The following CD96 variants were observed in gnomAD, a reference collection of about 807,000 sequenced individuals.
CD96 encodes T-cell surface protein tactile.
A neutral mutation model predicts 71.3 loss-of-function variants in CD96; 70 were observed. That is an observed-to-expected ratio of 0.98 (90% CI 0.81 to 1.20). The LOEUF (loss-of-function observed/expected upper bound fraction) is 1.20, where lower values mean the gene tolerates loss of function less well. CD96 is among the 50% of genes most tolerant of loss of function. The pLI, the probability that CD96 is intolerant of heterozygous loss-of-function variation, is 0.00. For missense variants in CD96, 742 were observed against 677.5 expected (o/e 1.10, Z -1.06); for synonymous variants, 248 against 233.0 (o/e 1.06, Z -0.59).
At chr3:111,589,730 T>G (rs1936887119) in intron 5 of CD96, among the ~76,000 whole-genome samples, 1 of 152,228 alleles carries the variant, frequency 6.6e-6, no homozygotes, top group Non-Finnish European at 1.5e-5. Flanking sequence ...AACAACTGGC[T>G]GAGTCACTAA....
At chr3:111,627,492 A>G (rs936123398) in intron 10 of CD96, among the ~76,000 whole-genome samples, 1 of 152,328 alleles carries the variant, frequency 6.6e-6, no homozygotes, top group African/African-American at 2.4e-5. Context: ...TCTATGGCCA[A>G]CAGAGTTCTA....
chr3:111,632,565 C>T (rs1939121670), intron 10 of CD96, among the ~76,000 whole-genome samples: 1 of 152,108 alleles, frequency 6.6e-6, no homozygotes, highest in South Asian at 2.1e-4. Flanking sequence ...TGTGGCGATT[C>T]CTCAAAGACC....
chr3:111,637,729 A>G (rs1344238364), intron 11 of CD96, among the ~76,000 whole-genome samples: 1 of 151,756 alleles, frequency 6.6e-6, no homozygotes, highest in African/African-American at 2.4e-5. Context: ...CTTTTTCTGT[A>G]CCACTTACAT....
intron 5 of CD96, chr3:111,594,052 C>T (rs770472872): frequency 6.2e-7 from 1 of 1,614,166 alleles, no homozygotes; most frequent in African/African-American, 1.3e-5. Flanking sequence ...ACCGGGTGCC[C>T]TTGTTGTGGG....
At chr3:111,614,552 C>G (rs1462227875) in intron 8 of CD96, among the ~76,000 whole-genome samples, 5 of 152,176 alleles carry the variant, frequency 3.3e-5, no homozygotes, top group African/African-American at 1.2e-4. Flanking sequence ...CTCTCTGCAG[C>G]CTCTAAACTT....
chr3:111,647,571 A>C lies in CD96; in HGVS notation c.1506A>C (p.Gly502=). 6.2e-7 allele frequency: 1 copy of C among 1,612,158 alleles called. No individual in the cohort carries two copies. Residue 502 remains glycine (G), a synonymous_variant, in exon 13 of 14, where the codon GGA becomes GGC. Coordinates refer to ENST00000352690, the MANE Select transcript of CD96 (RefSeq NM_005816.5). ...TTGTGGTCAATAAGCCCAAAGATGG[A>C]ATGTCCTGGCCAGTGATTGTAGCAG... ...TGIVVNKPKD[G]MSWPVIVAAL...
In CD96 at chr3:111,638,623, T is replaced by G. The variant is rs115769265; in HGVS notation, c.1477+455T>G. Among the ~76,000 whole-genome samples, 1,146 of 152,330 alleles carry G rather than the reference T, an allele frequency of 7.5e-3. 17 individuals are homozygous for G. The highest frequency in any genetic ancestry group is 0.026 in the African/African-American group (1,088 of 41,566). On this transcript the variant is annotated intron_variant, in intron 12 of 13. Transcript: ENST00000352690. Reference sequence around the variant, plus strand: ...ATTGTCATGCAAAATGTAATCCCTCTTTTATATCATAAGAGAGCAAAAGAT... The same window carrying G: ...ATTGTCATGCAAAATGTAATCCCTCGTTTATATCATAAGAGAGCAAAAGAT...
At chr3:111,548,010 T>G (rs1467060416) in intron 2 of CD96, among the ~76,000 whole-genome samples, 5 of 152,194 alleles carry the variant, frequency 3.3e-5, no homozygotes, top group African/African-American at 1.2e-4. Flanking sequence ...CCCTTTACTG[T>G]TTTGATCTTC....
chr3:111,602,214 T>A (rs977114591), intron 7 of CD96, among the ~76,000 whole-genome samples: 3 of 152,150 alleles, frequency 2.0e-5, no homozygotes, highest in Admixed American at 1.3e-4. Flanking sequence ...TAAAGGACCC[T>A]AAAAGCTCAA....
intron 8 of CD96, among the ~76,000 whole-genome samples, chr3:111,623,276 T>A (rs1011366466): frequency 6.6e-6 from 1 of 152,064 alleles, no homozygotes; most frequent in African/African-American, 2.4e-5. Context: ...AGGAAGAGAA[T>A]GTAACAATTA....
chr3:111,570,481 G>A (rs1415442468), intron 3 of CD96, among the ~76,000 whole-genome samples: 1 of 152,114 alleles, frequency 6.6e-6, no homozygotes, highest in Non-Finnish European at 1.5e-5. Context: ...TCGTGGGTTA[G>A]GGGTCACAGT....
At chr3:111,579,957 G>A (rs1342529134) in intron 4 of CD96, among the ~76,000 whole-genome samples, 1 of 152,162 alleles carries the variant, frequency 6.6e-6, no homozygotes, top group Non-Finnish European at 1.5e-5. Context: ...CAGAATACTG[G>A]AAATCTCTTT....
chr3:111,663,957 A>G (rs1457520842), intron 14 of CD96, among the ~76,000 whole-genome samples: 1 of 152,056 alleles, frequency 6.6e-6, no homozygotes, highest in Non-Finnish European at 1.5e-5. Context: ...TCACCATGTT[A>G]GCCAGGATGC....
rs555363701 is a variant in CD96 at position 111,645,759 on chromosome 3, T to C, written c.1478-1784T>C. Among the ~76,000 whole-genome samples the C allele has an allele frequency of 4.6e-5, 7 of 152,258 alleles. No homozygotes were observed. In the East Asian group the frequency reaches 9.7e-4, roughly 21 times the overall value. ...CAATGTGTCACATAATTATGTATTA[T>C]TGGACTACATGGGTCTCCAGGGAAC... On this transcript the variant is annotated intron_variant, in intron 12 of 13. Coordinates refer to ENST00000352690, the MANE Select transcript of CD96 (RefSeq NM_005816.5).
intron 8 of CD96, among the ~76,000 whole-genome samples, chr3:111,610,406 T>C (rs1200006975): frequency 6.6e-6 from 1 of 152,222 alleles, no homozygotes; most frequent in Non-Finnish European, 1.5e-5. Context: ...CTTCAAAGGC[T>C]GTGGTTTCAT....
intron 8 of CD96, among the ~76,000 whole-genome samples, chr3:111,612,118 T>G (rs1040994851): frequency 4.6e-5 from 7 of 152,234 alleles, no homozygotes; most frequent in Non-Finnish European, 1.0e-4. Context: ...TGGCTTTTTT[T>G]GTATGTGGGA....
chr3:111,610,889 G>A (rs1576387234), intron 8 of CD96, among the ~76,000 whole-genome samples: 1 of 152,178 alleles, frequency 6.6e-6, no homozygotes, highest in African/African-American at 2.4e-5. Context: ...AACCCGGTGT[G>A]GCAATCATCC....
rs888452321 is a variant in CD96, at chr3:111,635,846, A to G, written c.1322-1350A>G. 3.9e-5 allele frequency among the ~76,000 whole-genome samples: 6 copies of G among 152,212 alleles called. 1 individual carries two copies. Among genetic ancestry groups the G allele is most frequent in the African/African-American group, 9.6e-5 (4 of 41,458 alleles). On this transcript the variant is annotated intron_variant, in intron 10 of 13. Transcript: ENST00000352690. ...AATAAAGACATCAAGGTCAGAAAGTAAGAAAGGAGTCACCATACCATATTG... is the reference window on the plus strand; with the variant it reads ...AATAAAGACATCAAGGTCAGAAAGTGAGAAAGGAGTCACCATACCATATTG...
At chr3:111,551,274 G>T (rs769184536) in intron 2 of CD96, among the ~76,000 whole-genome samples, 9 of 152,146 alleles carry the variant, frequency 5.9e-5, no homozygotes, top group Non-Finnish European at 1.3e-4. Context: ...ATGAAGTGGA[G>T]ACAATTAATG....
Sources: gnomAD v4.1 joint callset for allele counts (sites outside exome capture counted in the v4.1 genomes callset) on GRCh38, gnomAD v4.1.1 for gene constraint, MANE v1.5 for transcripts, NCBI Gene and HGNC (gene_info 2026-07-23, HGNC 2026-07-21) for gene names.